ZNF804B: variants seen among roughly 807,000 people sequenced by gnomAD.
ZNF804B encodes zinc finger protein 804B.
A neutral mutation model predicts 101.4 loss-of-function variants in ZNF804B; 80 were observed. That is an observed-to-expected ratio of 0.79 (90% CI 0.66 to 0.95). ZNF804B has a LOEUF of 0.95. Ranked by LOEUF, ZNF804B falls within the 40% of genes least tolerant of loss-of-function variation. The pLI, the probability that ZNF804B is intolerant of heterozygous loss-of-function variation, is 0.00. For synonymous variants in ZNF804B, 622 were observed against 558.8 expected (o/e 1.11, Z -1.59); for missense variants, 1,673 against 1,561.9 (o/e 1.07, Z -1.20).
intron 1 of ZNF804B, among the ~76,000 whole-genome samples, chr7:89,135,603 T>C (rs1244196222): frequency 6.7e-6 from 1 of 149,624 alleles, no homozygotes; most frequent in Admixed American, 6.7e-5. Flanking sequence ...GATGTGTACA[T>C]ACTCTTACAT....
At chr7:89,058,122 G>T (rs745797640) in intron 1 of ZNF804B, among the ~76,000 whole-genome samples, 1 of 152,062 alleles carries the variant, frequency 6.6e-6, no homozygotes, top group Non-Finnish European at 1.5e-5. Flanking sequence ...TCCTCTGGAT[G>T]CTTACTTGCC....
intron 2 of ZNF804B, among the ~76,000 whole-genome samples, chr7:89,325,519 T>G (rs971974909): frequency 6.6e-6 from 1 of 152,034 alleles, no homozygotes; most frequent in Non-Finnish European, 1.5e-5. Flanking sequence ...ATAGTAGCAA[T>G]TAACAATATT....
chr7:89,292,458 T>G (rs1790311605), intron 2 of ZNF804B, among the ~76,000 whole-genome samples: 1 of 152,148 alleles, frequency 6.6e-6, no homozygotes, highest in African/African-American at 2.4e-5. Flanking sequence ...TTCATTTGTT[T>G]GTTTATGCAG....
At chr7:88,974,466 A>G (rs1231758838) in intron 1 of ZNF804B, among the ~76,000 whole-genome samples, 1 of 151,226 alleles carries the variant, frequency 6.6e-6, no homozygotes, top group Non-Finnish European at 1.5e-5. Flanking sequence ...ACTTTAAAAC[A>G]TCATGTGGTA....
At chr7:88,972,174 T>C (rs1793548469) in intron 1 of ZNF804B, among the ~76,000 whole-genome samples, 1 of 151,452 alleles carries the variant, frequency 6.6e-6, no homozygotes, top group Non-Finnish European at 1.5e-5. Context: ...GGAATTTGAA[T>C]TGTGTATTTT....
At chr7:88,897,832 G>A (rs1375513638) in intron 1 of ZNF804B, among the ~76,000 whole-genome samples, 1 of 151,318 alleles carries the variant, frequency 6.6e-6, no homozygotes, top group Non-Finnish European at 1.5e-5. Flanking sequence ...TACTTGCTGG[G>A]TGAAGTTAGT....
chr7:88,894,635 A>C (rs1792260971), intron 1 of ZNF804B, among the ~76,000 whole-genome samples: 1 of 152,220 alleles, frequency 6.6e-6, no homozygotes, highest in South Asian at 2.1e-4. Context: ...ATGGATAAAC[A>C]AACTTTGGTA....
chr7:88,966,983 G>A (rs1170081170), intron 1 of ZNF804B, among the ~76,000 whole-genome samples: 2 of 147,576 alleles, frequency 1.4e-5, no homozygotes, highest in African/African-American at 5.0e-5. Context: ...TTTTTCAAGT[G>A]TAATACACCA....
chr7:88,840,946 T>C (rs1296718271), intron 1 of ZNF804B, among the ~76,000 whole-genome samples: 1 of 152,168 alleles, frequency 6.6e-6, no homozygotes, highest in African/African-American at 2.4e-5. Context: ...AATATACTCA[T>C]TGACTGCTAG....
chr7:89,203,095 A>C (rs971015846), intron 1 of ZNF804B, among the ~76,000 whole-genome samples: 2 of 152,058 alleles, frequency 1.3e-5, no homozygotes, highest in African/African-American at 4.8e-5. Context: ...TGGCTTGTTG[A>C]GTTGACACCA....
intron 2 of ZNF804B, among the ~76,000 whole-genome samples, chr7:89,293,664 AG>A (rs2115903206): frequency 6.6e-6 from 1 of 152,212 alleles, no homozygotes; most frequent in East Asian, 1.9e-4. Flanking sequence ...AGGCACCTGT[AG>A]TCCCAGCTAC....
chr7:88,941,121 G>T (rs1390464665), intron 1 of ZNF804B, among the ~76,000 whole-genome samples: 1 of 151,924 alleles, frequency 6.6e-6, no homozygotes, highest in Non-Finnish European at 1.5e-5. Flanking sequence ...ATAAAAAGTG[G>T]CCAAAAATGT....
At chr7:88,873,916 T>C (rs1791881613) in intron 1 of ZNF804B, among the ~76,000 whole-genome samples, 1 of 152,194 alleles carries the variant, frequency 6.6e-6, no homozygotes, top group Non-Finnish European at 1.5e-5. Flanking sequence ...TGCCTCCAGC[T>C]TTGTCCTTTT....
At chr7:89,160,140 A>G (rs1791036981) in intron 1 of ZNF804B, among the ~76,000 whole-genome samples, 2 of 152,302 alleles carry the variant, frequency 1.3e-5, no homozygotes, top group Admixed American at 1.3e-4. Context: ...AGAGGAAGTT[A>G]TTAATTGATA....
chr7:89,134,988 A>C (rs1790608245), intron 1 of ZNF804B, among the ~76,000 whole-genome samples: 5 of 152,100 alleles, frequency 3.3e-5, no homozygotes, highest in Admixed American at 3.3e-4. Context: ...GTGGAAAAAG[A>C]GATATTTGAA....
chr7:88,926,104 C>T (rs1792792938), intron 1 of ZNF804B, among the ~76,000 whole-genome samples: 1 of 152,122 alleles, frequency 6.6e-6, no homozygotes, highest in Non-Finnish European at 1.5e-5. Flanking sequence ...ATTGGAAATA[C>T]TGTGACTATG....
chr7:89,201,526 A>G (rs1216825284), intron 1 of ZNF804B, among the ~76,000 whole-genome samples: 1 of 152,012 alleles, frequency 6.6e-6, no homozygotes, highest in African/African-American at 2.4e-5. Flanking sequence ...TCCAAGAAGC[A>G]GAAAGTCCAA....
intron 1 of ZNF804B, among the ~76,000 whole-genome samples, chr7:88,823,836 T>TA (rs1297712382): frequency 1.8e-4 from 27 of 151,326 alleles, no homozygotes; most frequent in Admixed American, 4.0e-4. Flanking sequence ...AAAATGTCAG[T>TA]AAAAAAGAAA....
chr7:88,909,850 C>T (rs562900212), intron 1 of ZNF804B, among the ~76,000 whole-genome samples: 3 of 151,688 alleles, frequency 2.0e-5, no homozygotes, highest in South Asian at 2.1e-4. Context: ...ACTGCATAAA[C>T]GTCCTAATTA....
Sources: allele counts gnomAD v4.1 joint callset (sites outside exome capture counted in the v4.1 genomes callset), GRCh38; gene constraint gnomAD v4.1.1; transcripts MANE v1.5; gene names NCBI Gene and HGNC (gene_info 2026-07-23, HGNC 2026-07-21).